The following NAV3 variants were observed in gnomAD, a reference collection of about 807,000 sequenced individuals.
NAV3 encodes pore membrane and/or filament interacting like protein 1.
A neutral mutation model predicts 244.7 loss-of-function variants in NAV3; 87 were observed. The ratio of observed to expected loss-of-function variants is 0.36; its 90% confidence interval spans 0.30 to 0.42. NAV3 has a LOEUF of 0.42. Among genes scored for constraint, NAV3 ranks in the 20% least tolerant of loss-of-function variants. The pLI, the probability that NAV3 is intolerant of heterozygous loss-of-function variation, is 1.00. For missense variants in NAV3, 2,663 were observed against 2,893.3 expected (o/e 0.92, Z 1.83); for synonymous variants, 1,126 against 1,042.2 (o/e 1.08, Z -1.55).
intron 12 of NAV3, among the ~76,000 whole-genome samples, chr12:78,061,129 A>G (rs1884265635): frequency 6.6e-6 from 1 of 152,188 alleles, no homozygotes; most frequent in Admixed American, 6.6e-5. Flanking sequence ...TCTCAGCTTC[A>G]TCCAAGACTT....
intron 2 of NAV3, among the ~76,000 whole-genome samples, chr12:77,819,026 C>G (rs1322973564): frequency 7.0e-6 from 1 of 143,042 alleles, no homozygotes; most frequent in Non-Finnish European, 1.5e-5. Context: ...GAACTTTATT[C>G]CTTTTAATTT....
intron 2 of NAV3, among the ~76,000 whole-genome samples, chr12:77,642,503 C>T (rs372425098): frequency 2.0e-5 from 3 of 152,134 alleles, no homozygotes; most frequent in African/African-American, 4.8e-5. Context: ...TTTCTATAAG[C>T]TTTGTTAATT....
At chr12:77,650,456 T>G (rs930166444) in intron 2 of NAV3, among the ~76,000 whole-genome samples, 1 of 152,142 alleles carries the variant, frequency 6.6e-6, no homozygotes, top group Admixed American at 6.6e-5. Flanking sequence ...GTAGTTTCAT[T>G]TGATGTTGAG....
intron 2 of NAV3, among the ~76,000 whole-genome samples, chr12:77,598,093 T>C (rs1870251856): frequency 6.6e-6 from 1 of 152,106 alleles, no homozygotes; most frequent in Admixed American, 6.6e-5. Context: ...TAAAAATAGA[T>C]ACCCATATAC....
chr12:77,843,887 A>G (rs969514081), intron 1 of NAV3, among the ~76,000 whole-genome samples: 11 of 152,222 alleles, frequency 7.2e-5, no homozygotes, highest in African/African-American at 2.4e-4. Context: ...ATAAAATTTC[A>G]AAACATATGC....
In NAV3 at chr12:77,831,524, T is replaced by C. The variant is rs1323899094; in HGVS notation, c.63T>C (p.His21=). 7 of 1,613,912 alleles carry C rather than the reference T, an allele frequency of 4.3e-6. No individual in the cohort carries two copies. In the South Asian group the frequency reaches 7.7e-5, roughly 18 times the overall value. Residue 21 remains histidine (H), a synonymous_variant, in exon 1 of 40, where the codon CAT becomes CAC. Coordinates refer to ENST00000397909, the MANE Select transcript of NAV3 (RefSeq NM_001024383.2). ...CAGCTGTTGGGTCAAAGCCTGTGCATACTGCTCTTCCGATACCAAATCTTG... is the reference window on the plus strand; with the variant it reads ...CAGCTGTTGGGTCAAAGCCTGTGCACACTGCTCTTCCGATACCAAATCTTG... The part of the protein sequence containing the change: ...RQPAVGSKPV[H]TALPIPNLGT...
intron 9 of NAV3, among the ~76,000 whole-genome samples, chr12:78,024,151 T>C (rs1877611498): frequency 6.6e-6 from 1 of 152,218 alleles, no homozygotes; most frequent in Non-Finnish European, 1.5e-5. Flanking sequence ...CATATTTTTC[T>C]TCTCTCCTTA....
intron 1 of NAV3, among the ~76,000 whole-genome samples, chr12:77,925,751 C>A (rs1888149027): frequency 6.6e-6 from 1 of 152,024 alleles, no homozygotes. Flanking sequence ...ACTGGAGAGA[C>A]ACCAACTGCA....
rs141445017 is a variant in NAV3 at position 77,832,759 on chromosome 12, G to A, written c.243+1055G>A. Among the ~76,000 whole-genome samples, 17 of 151,096 alleles carry A rather than the reference G, an allele frequency of 1.1e-4. No homozygotes were observed. The East Asian group carries it at 3.1e-3, about 28-fold the overall frequency. The stretch of plus-strand genomic sequence containing the variant: ...TAAATGTATTTTTGTACTCATTAAC[G>A]ATCCACACTCCCCCTACCCCTCGCC... On this transcript the variant is annotated intron_variant, in intron 1 of 39. Transcript: ENST00000397909.
intron 16 of NAV3, among the ~76,000 whole-genome samples, chr12:78,125,839 TTCA>T (rs1285315228): frequency 6.6e-6 from 1 of 152,196 alleles, no homozygotes; most frequent in African/African-American, 2.4e-5. Flanking sequence ...TAAATTGCTC[TTCA>T]TCATATAAAT....
intron 20 of NAV3, among the ~76,000 whole-genome samples, chr12:78,145,396 A>G (rs991224028): frequency 2.0e-5 from 3 of 149,494 alleles, no homozygotes; most frequent in Non-Finnish European, 3.0e-5. Flanking sequence ...GAAAAGCAGT[A>G]AAAAACAGTT....
At chr12:78,174,846 G>A (rs1019256273) in intron 24 of NAV3, among the ~76,000 whole-genome samples, 1 of 151,888 alleles carries the variant, frequency 6.6e-6, no homozygotes, top group Non-Finnish European at 1.5e-5. Context: ...CTCTAATATG[G>A]TATGATTCTA....
chr12:77,999,837 T>A (rs1463554), intron 7 of NAV3, among the ~76,000 whole-genome samples: 125,255 of 152,058 alleles, frequency 0.82, 51,742 homozygotes, highest in Admixed American at 0.87. Context: ...TAAAAAATAT[T>A]ATACAAGTTC....
intron 22 of NAV3, among the ~76,000 whole-genome samples, chr12:78,155,180 C>T (rs1957253981): frequency 6.6e-6 from 1 of 152,006 alleles, no homozygotes; most frequent in East Asian, 1.9e-4. Context: ...CCTCCCCTAA[C>T]TCCCACTGAC....
At chr12:77,909,982 CA>C (rs1254575517) in intron 1 of NAV3, among the ~76,000 whole-genome samples, 1 of 152,014 alleles carries the variant, frequency 6.6e-6, no homozygotes, top group East Asian at 1.9e-4. Flanking sequence ...GACATCTTTA[CA>C]ATGTTCCTAA....
At chr12:77,657,477 C>A (rs1020328315) in intron 2 of NAV3, among the ~76,000 whole-genome samples, 4 of 152,114 alleles carry the variant, frequency 2.6e-5, no homozygotes, top group African/African-American at 7.2e-5. Context: ...AGCTTACCCA[C>A]CAAAAAGAGT....
At chr12:77,675,978 G>A (rs143411628) in intron 2 of NAV3, among the ~76,000 whole-genome samples, 89 of 152,226 alleles carry the variant, frequency 5.8e-4, no homozygotes, top group African/African-American at 2.1e-3. Context: ...ACTGCATTTG[G>A]CCCTGCCTGG....
intron 21 of NAV3, among the ~76,000 whole-genome samples, chr12:78,146,836 C>T (rs451824): frequency 0.33 from 50,321 of 151,970 alleles, 8,677 homozygotes; most frequent in East Asian, 0.48. Context: ...TTGCCTCTAA[C>T]TGCCATTTTA....
intron 18 of NAV3, among the ~76,000 whole-genome samples, chr12:78,131,990 G>T (rs1184313358): frequency 6.6e-6 from 1 of 152,154 alleles, no homozygotes; most frequent in Non-Finnish European, 1.5e-5. Flanking sequence ...GTTTTTGAAA[G>T]ATTGTATTTT....
Sources: gnomAD v4.1 joint callset for allele counts (sites outside exome capture counted in the v4.1 genomes callset) on GRCh38, gnomAD v4.1.1 for gene constraint, MANE v1.5 for transcripts, NCBI Gene and HGNC (gene_info 2026-07-23, HGNC 2026-07-21) for gene names.